The following GRIK3 variants were observed in gnomAD, a reference collection of about 807,000 sequenced individuals.
The protein encoded by GRIK3 is glutamate ionotropic receptor kainate type subunit 3, also known as glutamate receptor ionotropic, kainate 3.
GRIK3 carries 29 observed loss-of-function variants against 102.5 expected under a neutral mutation model. The observed-to-expected ratio is 0.28, with a 90% CI of 0.21 to 0.39. The LOEUF (loss-of-function observed/expected upper bound fraction) is 0.39, where lower values mean the gene tolerates loss of function less well. Ranked by LOEUF, GRIK3 falls within the 10% of genes least tolerant of loss-of-function variation. GRIK3 has a pLI of 1.00. For synonymous variants in GRIK3, 511 were observed against 504.9 expected, an observed-to-expected ratio of 1.01 and a Z score of -0.16; for missense variants, 908 against 1,252.4, an observed-to-expected ratio of 0.73 and a Z score of 4.15.
In GRIK3 at chr1:36,810,445, T is replaced by C. The variant is rs3767039; in HGVS notation, c.2092-4119A>G. The stretch of plus-strand genomic sequence containing the variant: ...AGAGATGCTTTTTTTATCAGCAAAA[T>C]TGGCAAGAAAGTAAATTTCAGGCTC... On this transcript the variant is annotated intron_variant, in intron 13 of 15. Coordinates refer to ENST00000373091, the MANE Select transcript of GRIK3 (RefSeq NM_000831.4). 2.6e-5 allele frequency among the ~76,000 whole-genome samples: 4 copies of C among 152,282 alleles called. No individual in the cohort carries two copies. In the East Asian group the frequency reaches 7.7e-4, roughly 29 times the overall value.
rs111425166 is a variant in GRIK3, at chr1:36,824,854, A to G, written c.1754+749T>C. On this transcript the variant is annotated intron_variant, in intron 11 of 15. Transcript: ENST00000373091. ...ATGGTCAAATGCTGTAAGGTCACCT[A>G]TTGCTTGTATGACCTTGGCAAGTGG... Among the ~76,000 whole-genome samples the G allele has an allele frequency of 6.2e-3, 947 of 152,240 alleles. 11 individuals are homozygous for G. The highest frequency in any genetic ancestry group is 0.018 in the African/African-American group (746 of 41,544).
At chr1:37,007,909 A>T (rs1231341418) in intron 1 of GRIK3, among the ~76,000 whole-genome samples, 1 of 152,184 alleles carries the variant, frequency 6.6e-6, no homozygotes, top group Non-Finnish European at 1.5e-5. Flanking sequence ...TGCAGGGAGC[A>T]TCATGAGCCC....
At chr1:36,905,979 T>A (rs761266378) in intron 1 of GRIK3, among the ~76,000 whole-genome samples, 2 of 152,072 alleles carry the variant, frequency 1.3e-5, no homozygotes, top group Non-Finnish European at 2.9e-5. Flanking sequence ...GGGGCCATCA[T>A]CTCAACAAGG....
At chr1:36,852,996 C>T (rs376531670) in intron 8 of GRIK3, among the ~76,000 whole-genome samples, 5 of 152,306 alleles carry the variant, frequency 3.3e-5, no homozygotes, top group African/African-American at 1.2e-4. Flanking sequence ...ATGGGAGGCC[C>T]CAGCCCCAGG....
chr1:36,923,917 A>G (rs949205550), intron 1 of GRIK3, among the ~76,000 whole-genome samples: 1 of 151,972 alleles, frequency 6.6e-6, no homozygotes, highest in Non-Finnish European at 1.5e-5. Context: ...GCTGACCCAC[A>G]CATGCACACA....
At chr1:36,861,301 G>T (rs1163608996) in intron 5 of GRIK3, among the ~76,000 whole-genome samples, 2 of 152,132 alleles carry the variant, frequency 1.3e-5, no homozygotes, top group Admixed American at 6.5e-5. Flanking sequence ...TCCCACTAGT[G>T]GGGAAACTGA....
chr1:36,936,810 T>C (rs982031933), intron 1 of GRIK3, among the ~76,000 whole-genome samples: 5 of 87,434 alleles, frequency 5.7e-5, no homozygotes, highest in African/African-American at 1.6e-4. Flanking sequence ...GACTTTAACC[T>C]CATTTTTTTT....
chr1:36,884,746 A>T (rs1641019301), intron 2 of GRIK3, among the ~76,000 whole-genome samples: 1 of 152,116 alleles, frequency 6.6e-6, no homozygotes, highest in South Asian at 2.1e-4. Flanking sequence ...CAGTTTGAAG[A>T]CTTGGTTGAA....
At chr1:36,897,377 A>G (rs1444399370) in intron 1 of GRIK3, among the ~76,000 whole-genome samples, 1 of 152,228 alleles carries the variant, frequency 6.6e-6, no homozygotes, top group Non-Finnish European at 1.5e-5. Context: ...ATCACAAAAT[A>G]ATTCCATTTC....
chr1:36,970,673 T>A (rs903912181), intron 1 of GRIK3, among the ~76,000 whole-genome samples: 8 of 152,122 alleles, frequency 5.3e-5, no homozygotes, highest in African/African-American at 1.9e-4. Flanking sequence ...TCCCAACACT[T>A]CTCTAGGGTT....
intron 1 of GRIK3, among the ~76,000 whole-genome samples, chr1:36,976,934 T>C (rs1642202313): frequency 6.6e-6 from 1 of 152,128 alleles, no homozygotes; most frequent in Non-Finnish European, 1.5e-5. Flanking sequence ...CATTTCTCTG[T>C]CCTGACCCAG....
At chr1:37,003,820 T>C (rs925515666) in intron 1 of GRIK3, among the ~76,000 whole-genome samples, 6 of 152,194 alleles carry the variant, frequency 3.9e-5, no homozygotes, top group African/African-American at 4.8e-5. Flanking sequence ...CCTGCCACCC[T>C]GCTGGGCTGA....
Position 36,872,093 on chromosome 1 carries a change from G to T in GRIK3, c.732+95C>A. 2 of 1,216,710 alleles carry T rather than the reference G, an allele frequency of 1.6e-6. No homozygotes were observed. The highest frequency in any genetic ancestry group is 2.3e-6 in the Non-Finnish European group (2 of 879,568). 75.4% of individuals were successfully genotyped at this position (1,216,710 alleles called of 1,614,324 possible). On this transcript the variant is annotated intron_variant, in intron 4 of 15. Transcript: ENST00000373091. This position sits in a 1 kb window ranked among gnomAD's most constrained non-coding sequence, Gnocchi z 5.9. ...GTGGCAGAGCTAGGAGTCAAACTTAGATCTGGCAGCATCACACCCACATTT... is the reference window on the plus strand; with the variant it reads ...GTGGCAGAGCTAGGAGTCAAACTTATATCTGGCAGCATCACACCCACATTT...
intron 5 of GRIK3, among the ~76,000 whole-genome samples, chr1:36,866,259 A>G (rs1021937962): frequency 3.3e-5 from 5 of 152,322 alleles, no homozygotes; most frequent in African/African-American, 1.2e-4. Context: ...CATTGACCTC[A>G]ATTACCACAC....
At chr1:36,979,296 A>G (rs1261172968) in intron 1 of GRIK3, among the ~76,000 whole-genome samples, 7 of 152,214 alleles carry the variant, frequency 4.6e-5, no homozygotes, top group Non-Finnish European at 7.3e-5. Flanking sequence ...GCATGTGCCA[A>G]TGAACCAACA....
intron 9 of GRIK3, among the ~76,000 whole-genome samples, chr1:36,844,181 G>T (rs1640493495): frequency 2.0e-5 from 3 of 152,220 alleles, no homozygotes; most frequent in Admixed American, 2.0e-4. Context: ...GAAAGAACTG[G>T]TGGGGGTGGG....
At chr1:36,962,579 C>T (rs1487506609) in intron 1 of GRIK3, among the ~76,000 whole-genome samples, 6 of 150,340 alleles carry the variant, frequency 4.0e-5, no homozygotes, top group South Asian at 2.1e-4. Context: ...GGGCCTGAGG[C>T]GAGCAAGCAG....
chr1:36,833,681 G>A (rs951011770), intron 10 of GRIK3, among the ~76,000 whole-genome samples: 9 of 152,218 alleles, frequency 5.9e-5, no homozygotes, highest in Non-Finnish European at 1.2e-4. Flanking sequence ...GAGACACAGC[G>A]GGGGCAATGG....
intron 2 of GRIK3, among the ~76,000 whole-genome samples, chr1:36,887,771 A>AT (rs1299959084): frequency 9.2e-4 from 98 of 106,702 alleles, no homozygotes; most frequent in African/African-American, 3.2e-3. Context: ...AAAAAAAAAA[A>AT]ATATATATAT....
Sources: allele counts gnomAD v4.1 joint callset (sites outside exome capture counted in the v4.1 genomes callset), GRCh38; gene constraint gnomAD v4.1.1; non-coding constraint Gnocchi (gnomAD v3.1); transcripts MANE v1.5; gene names NCBI Gene and HGNC (gene_info 2026-07-23, HGNC 2026-07-21).